Variants in BAZ2B observed in about 807,000 individuals in gnomAD.
The protein encoded by BAZ2B is bromodomain adjacent to zinc finger domain 2B.
Under a neutral mutation model 246.0 loss-of-function variants are expected in BAZ2B, and 91 were observed. That is an observed-to-expected ratio of 0.37 (90% CI 0.31 to 0.44). The LOEUF (loss-of-function observed/expected upper bound fraction) is 0.44, where lower values mean the gene tolerates loss of function less well. Among genes scored for constraint, BAZ2B ranks in the 20% least tolerant of loss-of-function variants. BAZ2B has a pLI of 1.00. For missense variants in BAZ2B, 2,332 were observed against 2,533.7 expected, an observed-to-expected ratio of 0.92 and a Z score of 1.71; for synonymous variants, 855 against 860.0, an observed-to-expected ratio of 0.99 and a Z score of 0.10.
At chr2:159,525,826 G>A (rs145682027) in intron 2 of BAZ2B, among the ~76,000 whole-genome samples, 30 of 152,232 alleles carry the variant, frequency 2.0e-4, no homozygotes, top group African/African-American at 5.3e-4. Context: ...GGCTGAAAAC[G>A]TACTTTAAGA....
intron 20 of BAZ2B, among the ~76,000 whole-genome samples, chr2:159,394,133 AAAAAAAAAAC>A (rs2063688569): frequency 1.3e-5 from 2 of 150,384 alleles, no homozygotes; most frequent in African/African-American, 4.9e-5. Flanking sequence ...CTTCTGATTA[AAAAAAAAAAC>A]AAAACAAAAC....
chr2:159,659,335 C>G, the BAZ2B span, among the ~76,000 whole-genome samples: 12 of 152,172 alleles, frequency 7.9e-5, no homozygotes, highest in Non-Finnish European at 1.5e-4. Context: ...GCAGAACCTA[C>G]TAAAAGTTTG....
chr2:159,462,460 G>T, intron 3 of BAZ2B: 2 of 1,186,266 alleles, frequency 1.7e-6, no homozygotes, highest in South Asian at 2.4e-5. Flanking sequence ...TTTTGGTGCG[G>T]GTAACCGGAA....
intron 2 of BAZ2B, among the ~76,000 whole-genome samples, chr2:159,519,316 G>A (rs1452165678): frequency 1.6e-5 from 2 of 126,516 alleles, no homozygotes; most frequent in Non-Finnish European, 3.2e-5. Flanking sequence ...TGCAAGCTCC[G>A]CTTCCCGGGT....
chr2:159,711,437 T>C, the BAZ2B span, among the ~76,000 whole-genome samples: 6 of 152,186 alleles, frequency 3.9e-5, no homozygotes, highest in African/African-American at 1.4e-4. Flanking sequence ...AAAATAAGGA[T>C]GATAGTGACT....
intron 1 of BAZ2B, among the ~76,000 whole-genome samples, chr2:159,566,968 G>A (rs1220028616): frequency 6.6e-6 from 1 of 152,188 alleles, no homozygotes; most frequent in African/African-American, 2.4e-5. Context: ...CAGGGGCCGG[G>A]CGTGGTGGCT....
In BAZ2B at chr2:159,321,236, A is replaced by G. The variant is rs542457223; in HGVS notation, c.6354-818T>C. On this transcript the variant is annotated intron_variant, in intron 36 of 36. Transcript: ENST00000392783. ...TTTAAAAGATAGCTTTTAGAAATGC[A>G]AATTTTAAGTTAATTCTAACCTATG... is the stretch of plus-strand genomic sequence containing the variant. 9.2e-5 allele frequency among the ~76,000 whole-genome samples: 14 copies of G among 152,348 alleles called. 1 individual carries two copies. The South Asian group carries it at 2.9e-3, about 32-fold the overall frequency.
intron 1 of BAZ2B, among the ~76,000 whole-genome samples, chr2:159,585,554 G>A (rs12991516): frequency 0.37 from 56,424 of 152,092 alleles, 12,563 homozygotes; most frequent in Middle Eastern, 0.6. Context: ...AACTGGATTG[G>A]ATAAGAAGTC....
intron 1 of BAZ2B, among the ~76,000 whole-genome samples, chr2:159,604,709 A>G (rs1692988540): frequency 6.6e-6 from 1 of 152,220 alleles, no homozygotes; most frequent in Non-Finnish European, 1.5e-5. Context: ...AGAGAATACA[A>G]TATCACATGA....
At chr2:159,514,714 T>C (rs969460122) in intron 2 of BAZ2B, among the ~76,000 whole-genome samples, 2 of 152,146 alleles carry the variant, frequency 1.3e-5, no homozygotes, top group African/African-American at 2.4e-5. Context: ...TACTTTCTCA[T>C]TGATAAAAAT....
At chr2:159,384,194 T>C (rs929103362) in intron 23 of BAZ2B, among the ~76,000 whole-genome samples, 5 of 151,998 alleles carry the variant, frequency 3.3e-5, no homozygotes, top group Non-Finnish European at 7.4e-5. Flanking sequence ...CTTTTTCCCT[T>C]CTAAGGCAAA....
chr2:159,541,830 A>C (rs1038574113), intron 2 of BAZ2B, among the ~76,000 whole-genome samples: 2 of 152,120 alleles, frequency 1.3e-5, no homozygotes, highest in Non-Finnish European at 2.9e-5. Flanking sequence ...AAGATCTCCC[A>C]TTAGGGCATT....
At chr2:159,330,475 G>A (rs1223930691) in intron 34 of BAZ2B, among the ~76,000 whole-genome samples, 2 of 152,208 alleles carry the variant, frequency 1.3e-5, no homozygotes, top group Non-Finnish European at 2.9e-5. Flanking sequence ...CATAGGCACT[G>A]ATCACTGGAG....
intron 1 of BAZ2B, among the ~76,000 whole-genome samples, chr2:159,595,303 T>C (rs1245053625): frequency 1.3e-5 from 2 of 152,036 alleles, no homozygotes; most frequent in Non-Finnish European, 2.9e-5. Flanking sequence ...GGTTTCTCCA[T>C]GTTGGTCAGG....
chr2:159,317,441 G>C (rs1415643165), downstream of BAZ2B, among the ~76,000 whole-genome samples: 1 of 152,178 alleles, frequency 6.6e-6, no homozygotes, highest in Non-Finnish European at 1.5e-5. Flanking sequence ...TGGGTTTTAG[G>C]TGTACCTATA....
intron 27 of BAZ2B, among the ~76,000 whole-genome samples, chr2:159,360,209 A>C (rs1437123404): frequency 1.3e-5 from 2 of 152,210 alleles, no homozygotes; most frequent in African/African-American, 4.8e-5. Flanking sequence ...AGAAAATCCC[A>C]TCGTCTCAGC....
intron 13 of BAZ2B, among the ~76,000 whole-genome samples, chr2:159,415,515 C>T (rs2067558621): frequency 6.7e-6 from 1 of 150,256 alleles, no homozygotes. Flanking sequence ...AAAACAAATA[C>T]ACTGTTATAT....
intron 1 of BAZ2B, among the ~76,000 whole-genome samples, chr2:159,577,459 C>G (rs1685622296): frequency 6.6e-6 from 1 of 152,106 alleles, no homozygotes; most frequent in Non-Finnish European, 1.5e-5. Flanking sequence ...GTATGCATTA[C>G]CTTTATAATC....
intron 2 of BAZ2B, among the ~76,000 whole-genome samples, chr2:159,538,855 G>A (rs1428902947): frequency 6.6e-6 from 1 of 152,192 alleles, no homozygotes; most frequent in South Asian, 2.1e-4. Flanking sequence ...AAAGGAAGGG[G>A]AAGAGGACAA....
Sources: gnomAD v4.1 joint callset for allele counts (sites outside exome capture counted in the v4.1 genomes callset) on GRCh38, gnomAD v4.1.1 for gene constraint, MANE v1.5 for transcripts, NCBI Gene and HGNC (gene_info 2026-07-23, HGNC 2026-07-21) for gene names.